RBL2: variants seen among roughly 807,000 people sequenced by gnomAD.
RBL2 encodes the protein retinoblastoma-like protein 2.
A neutral mutation model predicts 126.0 loss-of-function variants in RBL2; 56 were observed. That is an observed-to-expected ratio of 0.44 (90% CI 0.36 to 0.56). RBL2 has a LOEUF of 0.56. Among genes scored for constraint, RBL2 ranks in the 20% least tolerant of loss-of-function variants. RBL2 has a pLI of 0.00. For synonymous variants in RBL2, 454 were observed against 478.5 expected (o/e 0.95, Z 0.67); for missense variants, 1,229 against 1,398.2 (o/e 0.88, Z 1.93).
intron 3 of RBL2, among the ~76,000 whole-genome samples, chr16:53,444,866 A>G (rs893925045): frequency 2.0e-5 from 3 of 152,216 alleles, no homozygotes; most frequent in African/African-American, 4.8e-5. Context: ...TAAATAAAAA[A>G]TGAAGTATTC....
At chr16:53,442,926 G>T (rs2058029657) in intron 3 of RBL2, 68 bp downstream of exon 3, 69 of 1,004,980 alleles carry the variant, frequency 6.9e-5, no homozygotes, top group South Asian at 3.4e-4. Flanking sequence ...ATTCTGCTAG[G>T]TTTTTTTTTT....
At chr16:53,488,717 CAG>C (rs755231554) in intron 21 of RBL2, 3 of 152,120 alleles carry the variant, frequency 2.0e-5, no homozygotes, top group Non-Finnish European at 4.4e-5. Context: ...TGATACTTGA[CAG>C]AGCAGTGTCA....
At chr16:53,442,936 TC>T in intron 3 of RBL2, 78 bp downstream of exon 3, 2 of 1,121,194 alleles carry the variant, frequency 1.8e-6, no homozygotes, top group Admixed American at 5.9e-5. Context: ...GTTTTTTTTT[TC>T]TGGTTTTAAA....
rs1284946242 is a variant in RBL2 at position 53,476,561 on chromosome 16, C to T, written c.2704-2593C>T. 2.0e-5 allele frequency among the ~76,000 whole-genome samples: 3 copies of T among 152,178 alleles called. No homozygotes were observed. In the East Asian group the frequency reaches 5.8e-4, roughly 29 times the overall value. On this transcript the variant is annotated intron_variant, in intron 17 of 21. Transcript: ENST00000262133. ...CCTTGTTGATCTGCCTAGATCATCTCTCCATTCTTGAAAGTGAGGTACTGA... is the reference window on the plus strand; with the variant it reads ...CCTTGTTGATCTGCCTAGATCATCTTTCCATTCTTGAAAGTGAGGTACTGA...
chr16:53,461,808 C>A lies in RBL2; in HGVS notation c.1414C>A (p.Gln472Lys). The change falls in exon 10 of 22, where the codon CAG becomes AAG. Residue 472 changes from glutamine to lysine, a missense_variant. Gln to Lys is a moderately conservative substitution (Grantham distance 53). This residue lies in a region of RBL2 where 1,070 missense variants were observed against 1,274.3 expected (regional missense o/e 0.84). Coordinates refer to ENST00000262133, the MANE Select transcript of RBL2 (RefSeq NM_005611.4). ...GAAAGAAATGTTTGAAATATATTCT[C>A]AGCATTTCCAGCCAGACGAGGATTT... ...RLKEMFEIYS[Q>K]HFQPDEDFSN... The A allele has an allele frequency of 6.2e-7, 1 of 1,612,364 alleles. No individual in the cohort carries two copies. Among genetic ancestry groups the A allele is most frequent in the Non-Finnish European group, 8.5e-7 (1 of 1,179,210 alleles).
intron 17 of RBL2, among the ~76,000 whole-genome samples, chr16:53,473,934 AT>A (rs1284656034): frequency 6.6e-6 from 1 of 152,066 alleles, no homozygotes; most frequent in Non-Finnish European, 1.5e-5. Context: ...AATATAGTAT[AT>A]TACACTGATT....
rs575221852 is a variant in RBL2 at position 53,457,370 on chromosome 16, C to G, written c.1180-2081C>G. Among the ~76,000 whole-genome samples the G allele has an allele frequency of 2.6e-3, 386 of 150,106 alleles. 4 individuals carry two copies. Among genetic ancestry groups the G allele is most frequent in the African/African-American group, 9.3e-3 (374 of 40,404 alleles). On this transcript the variant is annotated intron_variant, in intron 8 of 21. Transcript: ENST00000262133. ...TGCCACCTGGGTTCAAGCGATTCTC[C>G]TGCCTCAGCCTCCTGAGTAGCTGGG...
intron 19 of RBL2, 200 bp from the exon 20 acceptor site, chr16:53,480,363 CAGAA>C: frequency 1.7e-6 from 1 of 578,528 alleles, no homozygotes; most frequent in Non-Finnish European, 3.0e-6. Context: ...GGACACTACT[CAGAA>C]AGCCCTTGCT....
At chr16:53,480,443 A>C (rs1405448205) in intron 19 of RBL2, 124 bp from the exon 20 acceptor site, 1 of 770,098 alleles carries the variant, frequency 1.3e-6, no homozygotes, top group African/African-American at 1.7e-5. Flanking sequence ...TGAAGAACAG[A>C]GTGCCTATTC....
intron 2 of RBL2, among the ~76,000 whole-genome samples, chr16:53,441,983 G>A (rs1225893361): frequency 6.6e-6 from 1 of 152,076 alleles, no homozygotes; most frequent in African/African-American, 2.4e-5. Context: ...ACCACGCCCA[G>A]CTAATTTTTT....
intron 4 of RBL2, chr16:53,448,654 T>G (rs996989504): frequency 2.0e-5 from 3 of 152,244 alleles, no homozygotes; most frequent in African/African-American, 7.2e-5. Context: ...TGGCTAATTT[T>G]TGTATTTTTA....
chr16:53,437,157 T>C (rs2057966289), intron 1 of RBL2, among the ~76,000 whole-genome samples: 1 of 152,124 alleles, frequency 6.6e-6, no homozygotes. Flanking sequence ...CAGAGGATAA[T>C]GCTGTGACCG....
intron 2 of RBL2, among the ~76,000 whole-genome samples, chr16:53,440,014 C>T (rs910558498): frequency 3.4e-5 from 5 of 148,242 alleles, no homozygotes; most frequent in Admixed American, 6.8e-5. Flanking sequence ...AGGCTGGGGG[C>T]GGTGGCTCAC....
chr16:53,434,896 G>T, intron 1 of RBL2, 100 bp downstream of exon 1: 2 of 1,389,642 alleles, frequency 1.4e-6, no homozygotes, highest in Non-Finnish European at 1.9e-6. Flanking sequence ...GCGGGTTGCG[G>T]GCTCCCAGCC....
chr16:53,434,748 C>G lies in RBL2; in HGVS notation c.192C>G (p.Ala64=). ...SRLNMDEAAR[A]EAWDSYRSMS... Reference sequence around the variant, plus strand: ...TCAACATGGACGAGGCGGCGCGGGCCGAGGCCTGGGACAGCTACCGCAGCA... The same window carrying G: ...TCAACATGGACGAGGCGGCGCGGGCGGAGGCCTGGGACAGCTACCGCAGCA... The change falls in exon 1 of 22, where the codon GCC becomes GCG. Residue 64 remains alanine (A), a synonymous_variant. Transcript: ENST00000262133. The G allele has an allele frequency of 1.3e-6, 2 of 1,543,880 alleles. No homozygotes were observed. The highest frequency in any genetic ancestry group is 1.7e-6 in the Non-Finnish European group (2 of 1,152,706).
At chr16:53,464,428 AT>A (rs2058252411) in intron 12 of RBL2, 65 bp downstream of exon 12, 1 of 1,337,160 alleles carries the variant, frequency 7.5e-7, no homozygotes, top group Non-Finnish European at 1.0e-6. Flanking sequence ...GTTGTTAGTC[AT>A]TTAGTTCAAG....
chr16:53,470,385 A>G lies in RBL2; in HGVS notation c.2248A>G (p.Ile750Val). 1 of 1,611,020 alleles carries G rather than the reference A, an allele frequency of 6.2e-7. No homozygotes were observed. Among genetic ancestry groups the G allele is most frequent in the Admixed American group, 1.7e-5 (1 of 59,960 alleles). Reference sequence around the variant, plus strand: ...ATGCTTTTTTTCTCTGTCACTAGGTATTGCCAATGAAAATGGAGGGATAAC... The same window carrying G: ...ATGCTTTTTTTCTCTGTCACTAGGTGTTGCCAATGAAAATGGAGGGATAAC... The part of the protein sequence containing the change: ...GQTVTIPVQG[I>V]ANENGGITFF... Residue 750 changes from isoleucine (I) to valine (V), a missense_variant and splice_region_variant, in exon 16 of 22, where the codon ATT becomes GTT. Ile to Val is a conservative substitution (Grantham distance 29, BLOSUM62 3). Transcript: ENST00000262133.
At position 53,470,620 on chromosome 16, in the gene RBL2, A is replaced by G; in HGVS notation, c.2483A>G (p.Asn828Ser). The G allele has an allele frequency of 6.2e-7, 1 of 1,614,234 alleles. No individual in the cohort carries two copies. Among genetic ancestry groups the G allele is most frequent in the Non-Finnish European group, 8.5e-7 (1 of 1,180,032 alleles). Residue 828 changes from asparagine (N) to serine (S), a missense_variant, in exon 16 of 22, where the codon AAT (asparagine) becomes AGT (serine). Transcript: ENST00000262133. ...KQGQSVTSSS[N>S]RPRKTSSLSL... ...GGCCAGTCTGTAACCAGCAGTAGTA[A>G]TAGACCCAGGAAGACCAGCTCTTTA...
chr16:53,437,001 A>G (rs2153137146), intron 1 of RBL2, among the ~76,000 whole-genome samples: 1 of 152,198 alleles, frequency 6.6e-6, no homozygotes, highest in Middle Eastern at 3.4e-3. Flanking sequence ...TTCTCACAAG[A>G]CTAATTCTTC....
Sources: gnomAD v4.1 joint callset for allele counts (sites outside exome capture counted in the v4.1 genomes callset) on GRCh38, gnomAD v4.1.1 for gene constraint, gnomAD v4.1.1 regional missense constraint, MANE v1.5 for transcripts, NCBI Gene and HGNC (gene_info 2026-07-23, HGNC 2026-07-21) for gene names.